Variants in EPHB2 observed in about 807,000 individuals in gnomAD.
The protein encoded by EPHB2 is ephrin type-B receptor 2.
EPHB2 carries 18 observed loss-of-function variants against 96.4 expected under a neutral mutation model. The ratio of observed to expected loss-of-function variants is 0.19; its 90% confidence interval spans 0.13 to 0.28. The LOEUF (loss-of-function observed/expected upper bound fraction) is 0.28. Among genes scored for constraint, EPHB2 ranks in the 10% least tolerant of loss-of-function variants. EPHB2 has a pLI of 1.00. For missense variants in EPHB2, 989 were observed against 1,355.4 expected (o/e 0.73, Z 4.25); for synonymous variants, 506 against 534.1 (o/e 0.95, Z 0.72).
At chr1:22,737,251 C>T (rs1030070951) in intron 1 of EPHB2, among the ~76,000 whole-genome samples, 1 of 152,136 alleles carries the variant, frequency 6.6e-6, no homozygotes, top group African/African-American at 2.4e-5. Context: ...GACTTCTGAA[C>T]CCCACAAAGC....
At chr1:22,818,951 G>A (rs1438409532) in intron 3 of EPHB2, among the ~76,000 whole-genome samples, 1 of 148,596 alleles carries the variant, frequency 6.7e-6, no homozygotes, top group African/African-American at 2.5e-5. Flanking sequence ...GGCCCCCATA[G>A]GTTAGAGTGA....
intron 3 of EPHB2, among the ~76,000 whole-genome samples, chr1:22,823,657 T>C (rs1330656867): frequency 6.6e-6 from 1 of 152,246 alleles, no homozygotes; most frequent in Non-Finnish European, 1.5e-5. Context: ...AAATGAACAT[T>C]GGATGAATAA....
At chr1:22,797,128 G>A (rs1644777103) in intron 3 of EPHB2, among the ~76,000 whole-genome samples, 2 of 152,226 alleles carry the variant, frequency 1.3e-5, no homozygotes, top group Admixed American at 1.3e-4. Context: ...CTTACTGCTA[G>A]AAAGGGTCAG....
chr1:22,813,710 G>A (rs896606218), intron 3 of EPHB2, among the ~76,000 whole-genome samples: 1 of 152,234 alleles, frequency 6.6e-6, no homozygotes, highest in Non-Finnish European at 1.5e-5. Context: ...CTCTCTGAAC[G>A]CTGGTTTCTT....
At chr1:22,822,804 G>C (rs1645170421) in intron 3 of EPHB2, among the ~76,000 whole-genome samples, 1 of 152,170 alleles carries the variant, frequency 6.6e-6, no homozygotes, top group South Asian at 2.1e-4. Context: ...TGCCCACAGG[G>C]GTCTCCACTC....
At chr1:22,746,123 C>T (rs1232472600) in intron 1 of EPHB2, among the ~76,000 whole-genome samples, 4 of 152,140 alleles carry the variant, frequency 2.6e-5, no homozygotes, top group African/African-American at 7.2e-5. Context: ...TGAGTGCAGC[C>T]GTGGAAAGAT....
chr1:22,894,545 C>T (rs533437842), intron 7 of EPHB2, among the ~76,000 whole-genome samples: 7 of 150,360 alleles, frequency 4.7e-5, no homozygotes, highest in Admixed American at 2.0e-4. Flanking sequence ...TGCAGTGAGC[C>T]GAGATCGTGC....
At chr1:22,824,807 C>A (rs888535068) in intron 3 of EPHB2, among the ~76,000 whole-genome samples, 5 of 152,228 alleles carry the variant, frequency 3.3e-5, no homozygotes, top group African/African-American at 1.2e-4. Flanking sequence ...ATTTTCAGCT[C>A]CAGCCTGGGA....
intron 3 of EPHB2, among the ~76,000 whole-genome samples, chr1:22,847,717 C>G (rs556633977): frequency 2.6e-5 from 4 of 152,254 alleles, no homozygotes; most frequent in Admixed American, 1.3e-4. Flanking sequence ...AAACCCCAAA[C>G]TCCATCACCA....
At position 22,913,357 on chromosome 1, in the gene EPHB2, C is replaced by A; in HGVS notation, c.2853-105C>A. The A allele has an allele frequency of 6.9e-7, 1 of 1,457,252 alleles. No homozygotes were observed. Among genetic ancestry groups the A allele is most frequent in the South Asian group, 1.2e-5 (1 of 82,044 alleles). The allele number at this position is 1,457,252 out of a possible 1,614,324, so 90.3% of individuals were successfully genotyped here. A position where few individuals can be genotyped will look rare whatever the true frequency, so the allele number is the denominator to read the frequency against. ...TCCCCACTCCCCACTCCCCAGTACT[C>A]CTTGCTTTGCCATCTTCCTCCCGGG... On this transcript the variant is annotated intron_variant, in intron 15 of 15. Transcript: ENST00000374630. This position sits in a 1 kb window ranked among gnomAD's most constrained non-coding sequence, Gnocchi z 4.1.
chr1:22,759,816 T>C (rs1644209563), intron 1 of EPHB2, among the ~76,000 whole-genome samples: 1 of 152,190 alleles, frequency 6.6e-6, no homozygotes. Flanking sequence ...CCTTGATGAC[T>C]GTAGCACCCT....
intron 3 of EPHB2, among the ~76,000 whole-genome samples, chr1:22,792,153 C>T (rs1358154848): frequency 1.3e-5 from 2 of 151,554 alleles, no homozygotes; most frequent in Non-Finnish European, 1.5e-5. Context: ...GCCCTTCTTA[C>T]AGAGGCTGGA....
At chr1:22,832,871 G>A (rs1410789791) in intron 3 of EPHB2, among the ~76,000 whole-genome samples, 1 of 131,038 alleles carries the variant, frequency 7.6e-6, no homozygotes, top group East Asian at 2.5e-4. Context: ...ACAGATAGGT[G>A]TCCACAGACT....
At chr1:22,894,008 C>G (rs1639473289) in intron 7 of EPHB2, among the ~76,000 whole-genome samples, 1 of 152,206 alleles carries the variant, frequency 6.6e-6, no homozygotes, top group African/African-American at 2.4e-5. Context: ...GGCTCCTGGA[C>G]TCCTAAATTC....
intron 1 of EPHB2, among the ~76,000 whole-genome samples, chr1:22,754,862 T>G (rs969405081): frequency 0.046 from 1,431 of 30,900 alleles, no homozygotes; most frequent in East Asian, 0.078. Flanking sequence ...ACAGGTGAGG[T>G]GAGGCAAGGG....
intron 5 of EPHB2, among the ~76,000 whole-genome samples, chr1:22,879,010 C>A (rs1435379542): frequency 6.6e-6 from 1 of 152,234 alleles, no homozygotes; most frequent in Non-Finnish European, 1.5e-5. Flanking sequence ...TCCCTCCCCA[C>A]CTGCTTGGCC....
chr1:22,830,844 C>T (rs1219713819), intron 3 of EPHB2, among the ~76,000 whole-genome samples: 1 of 152,132 alleles, frequency 6.6e-6, no homozygotes, highest in Admixed American at 6.5e-5. Flanking sequence ...CATGAGCCAC[C>T]GCACCCTGCC....
rs41310408 is a variant in EPHB2 at position 22,895,434 on chromosome 1, A to G, written c.1592-38A>G. On this transcript the variant is annotated intron_variant, in intron 7 of 15. Transcript: ENST00000374630. The stretch of plus-strand genomic sequence containing the variant: ...GGGACAAGGGTATTACGACTCCCAC[A>G]GCCAGGCTGAGAATGCCCTACCATG... 4,653 of 1,604,236 alleles carry G rather than the reference A, an allele frequency of 2.9e-3. 10 individuals carry two copies. Among genetic ancestry groups the G allele is most frequent in the Non-Finnish European group, 3.5e-3 (4,126 of 1,170,950 alleles).
intron 1 of EPHB2, among the ~76,000 whole-genome samples, chr1:22,747,876 G>T (rs983272840): frequency 1.3e-5 from 2 of 152,228 alleles, no homozygotes; most frequent in Non-Finnish European, 2.9e-5. Flanking sequence ...GTGACTTTGG[G>T]CAAGTCACTT....
Sources: gnomAD v4.1 joint callset for allele counts (sites outside exome capture counted in the v4.1 genomes callset) on GRCh38, gnomAD v4.1.1 for gene constraint, Gnocchi (gnomAD v3.1) non-coding constraint, MANE v1.5 for transcripts, NCBI Gene and HGNC (gene_info 2026-07-23, HGNC 2026-07-21) for gene names.